Variants in SRGAP2B observed in about 807,000 individuals in gnomAD.
SRGAP2B encodes the protein SLIT-ROBO Rho GTPase-activating protein 2B.
Under a neutral mutation model 22.2 loss-of-function variants are expected in SRGAP2B, and 9 were observed. That is an observed-to-expected ratio of 0.41 (90% CI 0.24 to 0.71). The LOEUF (loss-of-function observed/expected upper bound fraction) is 0.71, where lower values mean the gene tolerates loss of function less well. Among genes scored for constraint, SRGAP2B ranks in the 30% least tolerant of loss-of-function variants. The pLI is 0.35. For synonymous variants in SRGAP2B, 36 were observed against 87.4 expected, an observed-to-expected ratio of 0.41 and a Z score of 3.28; for missense variants, 114 against 235.8, an observed-to-expected ratio of 0.48 and a Z score of 3.38.
At chr1:145,006,345 T>C (rs1449844995) in intron 2 of SRGAP2B, among the ~76,000 whole-genome samples, 1 of 150,660 alleles carries the variant, frequency 6.6e-6, no homozygotes, top group Non-Finnish European at 1.5e-5. Flanking sequence ...GACCAAGCAA[T>C]CATCCTCTCA....
chr1:145,066,821 G>T (rs1355391111), intron 2 of SRGAP2B, among the ~76,000 whole-genome samples: 2 of 145,892 alleles, frequency 1.4e-5, no homozygotes, highest in Non-Finnish European at 3.0e-5. Flanking sequence ...TTGCCACAGG[G>T]AGCTCTTTCT....
intron 2 of SRGAP2B, among the ~76,000 whole-genome samples, chr1:145,075,983 G>C (rs1447526861): frequency 2.0e-5 from 3 of 149,966 alleles, no homozygotes; most frequent in African/African-American, 7.5e-5. Context: ...AGTTACTTGG[G>C]AGGAGGCCAT....
At chr1:145,005,405 T>TA (rs1409840116) in intron 2 of SRGAP2B, among the ~76,000 whole-genome samples, 1 of 151,204 alleles carries the variant, frequency 6.6e-6, no homozygotes, top group Non-Finnish European at 1.5e-5. Flanking sequence ...ATCCAGACCC[T>TA]ACGTTCCTGT....
chr1:144,945,352 GAAAACCA>G (rs1326451384), intron 4 of SRGAP2B, among the ~76,000 whole-genome samples: 6 of 150,098 alleles, frequency 4.0e-5, no homozygotes, highest in African/African-American at 1.3e-4. Flanking sequence ...GGAATACAAT[GAAAACCA>G]CGCTTACACT....
In SRGAP2B at chr1:144,909,099, A is replaced by C. The variant is rs1156854635; in HGVS notation, c.487-3025T>G. 1.3e-5 allele frequency among the ~76,000 whole-genome samples: 2 copies of C among 149,150 alleles called. 1 individual carries two copies. Among genetic ancestry groups the C allele is most frequent in the African/African-American group, 5.1e-5 (2 of 39,342 alleles). ...GTTCTAAAATGATTATCATTTAGGTATAAATTGAGAAAAACAAAAAGAATG... is the reference window on the plus strand; with the variant it reads ...GTTCTAAAATGATTATCATTTAGGTCTAAATTGAGAAAAACAAAAAGAATG... On this transcript the variant is annotated intron_variant, in intron 5 of 9. Transcript: ENST00000612199.
intron 3 of SRGAP2B, among the ~76,000 whole-genome samples, chr1:144,969,898 CTCA>C (rs1285253695): frequency 1.3e-5 from 2 of 150,792 alleles, no homozygotes; most frequent in African/African-American, 5.0e-5. Flanking sequence ...TGAAAAAATG[CTCA>C]TCATCACTGG....
chr1:144,984,642 GA>G (rs1471579398), intron 3 of SRGAP2B, among the ~76,000 whole-genome samples: 1 of 148,682 alleles, frequency 6.7e-6, no homozygotes, highest in Non-Finnish European at 1.5e-5. Context: ...TAAATGGACA[GA>G]AGGATAAATT....
intron 3 of SRGAP2B, among the ~76,000 whole-genome samples, chr1:144,973,924 A>C (rs1467321268): frequency 6.9e-6 from 1 of 145,816 alleles, no homozygotes; most frequent in Non-Finnish European, 1.5e-5. Flanking sequence ...CAATAGAAGA[A>C]TATCTACTTT....
At chr1:144,939,764 G>A (rs1570792528) in intron 4 of SRGAP2B, among the ~76,000 whole-genome samples, 1 of 147,202 alleles carries the variant, frequency 6.8e-6, no homozygotes, top group East Asian at 2.0e-4. Flanking sequence ...TAAAGGTCCA[G>A]AAAGACCACT....
intron 5 of SRGAP2B, among the ~76,000 whole-genome samples, chr1:144,912,156 G>A (rs1330569894): frequency 6.8e-6 from 1 of 147,090 alleles, no homozygotes; most frequent in Non-Finnish European, 1.5e-5. Context: ...GTTTCACCGT[G>A]TTAGCCAGGA....
intron 2 of SRGAP2B, among the ~76,000 whole-genome samples, chr1:145,002,461 AT>A (rs1308474507): frequency 2.2e-5 from 2 of 89,442 alleles, no homozygotes; most frequent in Non-Finnish European, 4.3e-5. Context: ...CACACCTGTA[AT>A]CCTAGCACTT....
chr1:145,045,301 A>C (rs1553628435), intron 2 of SRGAP2B, among the ~76,000 whole-genome samples: 8 of 142,538 alleles, frequency 5.6e-5, no homozygotes, highest in Non-Finnish European at 1.1e-4. Flanking sequence ...CGCCTCAAAA[A>C]AAAAAAAAAA....
chr1:145,068,590 TA>T (rs1463570870), intron 2 of SRGAP2B, among the ~76,000 whole-genome samples: 1 of 108,334 alleles, frequency 9.2e-6, no homozygotes, highest in African/African-American at 4.0e-5. Context: ...TAGATACCTA[TA>T]ATACCAACTT....
At chr1:144,932,282 T>C (rs1665248381) in intron 4 of SRGAP2B, among the ~76,000 whole-genome samples, 1 of 150,520 alleles carries the variant, frequency 6.6e-6, no homozygotes, top group Non-Finnish European at 1.5e-5. Context: ...GTCACGGCCA[T>C]ATTTAACAAG....
rs192372066 is a variant in SRGAP2B at position 145,076,323 on chromosome 1, G to A, written c.67+16512C>T. 1.9e-3 allele frequency among the ~76,000 whole-genome samples: 283 copies of A among 149,082 alleles called. 16 individuals carry two copies. Among genetic ancestry groups the A allele is most frequent in the African/African-American group, 6.8e-3 (270 of 39,622 alleles). On this transcript the variant is annotated intron_variant, in intron 2 of 9. Transcript: ENST00000612199. Reference sequence around the variant, plus strand: ...ACTATAGGTACACATCACCATGCCTGGCTTATCTCTATTTTCTAAAAAATA... The same window carrying A: ...ACTATAGGTACACATCACCATGCCTAGCTTATCTCTATTTTCTAAAAAATA...
chr1:144,970,743 G>C (rs1668448749), intron 3 of SRGAP2B, among the ~76,000 whole-genome samples: 1 of 148,636 alleles, frequency 6.7e-6, no homozygotes, highest in African/African-American at 2.5e-5. Context: ...TAGTACTCCT[G>C]ATGTCTTAAA....
At chr1:145,069,995 G>A (rs1651961853) in intron 2 of SRGAP2B, among the ~76,000 whole-genome samples, 1 of 148,880 alleles carries the variant, frequency 6.7e-6, no homozygotes, top group Non-Finnish European at 1.5e-5. Context: ...TAAGAGATTG[G>A]AAAATGGCTC....
exon 10 of SRGAP2B, chr1:144,891,570 T>TA (rs1662114326): frequency 3.8e-5 from 2 of 52,398 alleles, no homozygotes; most frequent in African/African-American, 7.9e-5. Context: ...TTAACAATAC[T>TA]TAAAAAAAAA....
At chr1:144,993,821 G>A (rs1449218630) in intron 3 of SRGAP2B, among the ~76,000 whole-genome samples, 2 of 147,004 alleles carry the variant, frequency 1.4e-5, no homozygotes, top group African/African-American at 5.2e-5. Context: ...GATTAACTCC[G>A]ATCACAATGG....
Sources: gnomAD v4.1 joint callset for allele counts (sites outside exome capture counted in the v4.1 genomes callset) on GRCh38, gnomAD v4.1.1 for gene constraint, MANE v1.5 for transcripts, NCBI Gene and HGNC (gene_info 2026-07-23, HGNC 2026-07-21) for gene names.